DUSP29: variants seen among roughly 807,000 people sequenced by gnomAD.
The protein encoded by DUSP29 is atypical dual-specific protein phosphatase.
In DUSP29, 12 loss-of-function variants were observed where a neutral mutation model predicts 13.5. The ratio of observed to expected loss-of-function variants is 0.89; its 90% confidence interval spans 0.57 to 1.44. The LOEUF is 1.44. DUSP29 is among the 40% of genes most tolerant of loss of function. DUSP29 has a pLI of 0.00. For synonymous variants in DUSP29, 134 were observed against 128.7 expected (o/e 1.04, Z -0.28); for missense variants, 308 against 301.1 (o/e 1.02, Z -0.17).
chr10:75,068,088 T>C (rs1183105264), intron 1 of DUSP29, among the ~76,000 whole-genome samples: 11 of 152,164 alleles, frequency 7.2e-5, no homozygotes, highest in Non-Finnish European at 1.2e-4. Flanking sequence ...GCTGGGATTA[T>C]AGGCATGAGC....
At chr10:75,044,321 A>G (rs542185522) in intron 2 of DUSP29, among the ~76,000 whole-genome samples, 1 of 134,238 alleles carries the variant, frequency 7.4e-6, no homozygotes, top group East Asian at 2.3e-4. Flanking sequence ...GCTGGCCTCT[A>G]CGGTGGTCGC....
At chr10:75,070,763 G>A (rs972855535) in intron 1 of DUSP29, among the ~76,000 whole-genome samples, 2 of 152,208 alleles carry the variant, frequency 1.3e-5, no homozygotes, top group African/African-American at 4.8e-5. Context: ...CCTCCTGCGT[G>A]ACATGCAAGA....
At chr10:75,072,989 A>G (rs1206950873) in intron 1 of DUSP29, among the ~76,000 whole-genome samples, 1 of 151,348 alleles carries the variant, frequency 6.6e-6, no homozygotes, top group Non-Finnish European at 1.5e-5. Context: ...TTCATGACCC[A>G]GTCCCACCCC....
At chr10:75,049,811 A>G (rs1846789320) in intron 2 of DUSP29, among the ~76,000 whole-genome samples, 1 of 150,242 alleles carries the variant, frequency 6.7e-6, no homozygotes, top group African/African-American at 2.4e-5. Flanking sequence ...AGCTGTGGCG[A>G]TGCCTCTGGC....
At position 75,072,608 on chromosome 10, in the gene DUSP29, A is replaced by T. The variant is rs535179534; in HGVS notation, c.-35+961T>A. ...ACCAAATGATATTCTCATGATGAGA[A>T]CAAGGAGGGATCACAAGCTAAAGGT... On this transcript the variant is annotated intron_variant, in intron 1 of 3. Transcript: ENST00000338487. Among the ~76,000 whole-genome samples, 6 of 152,224 alleles carry T rather than the reference A, an allele frequency of 3.9e-5. No individual in the cohort carries two copies. The East Asian group carries it at 1.2e-3, about 29-fold the overall frequency.
intron 3 of DUSP29, among the ~76,000 whole-genome samples, chr10:75,039,638 C>T (rs143553968): frequency 1.6e-3 from 241 of 152,322 alleles, no homozygotes; most frequent in Non-Finnish European, 2.8e-3. Context: ...CCCTGCACCA[C>T]GCTCCGCCCC....
intron 3 of DUSP29, among the ~76,000 whole-genome samples, chr10:75,041,850 T>A (rs1002807168): frequency 3.9e-5 from 6 of 152,220 alleles, no homozygotes; most frequent in African/African-American, 1.4e-4. Flanking sequence ...CACCTCCTCA[T>A]AATGTTCTGT....
At chr10:75,055,619 T>A (rs1388295939) in intron 2 of DUSP29, among the ~76,000 whole-genome samples, 1 of 152,180 alleles carries the variant, frequency 6.6e-6, no homozygotes, top group Non-Finnish European at 1.5e-5. Flanking sequence ...TTTAGTGGGT[T>A]CAGGGTTTCC....
In DUSP29 at chr10:75,040,100, C is replaced by T. The variant is rs376191325; in HGVS notation, c.422-2023G>A. On this transcript the variant is annotated intron_variant, in intron 3 of 3. Transcript: ENST00000338487. ...CTGAAAGAGGAGAATCGCTTGAATC[C>T]GGGAGGTGGAGGTTGCAGTGAGTGG... is the stretch of plus-strand genomic sequence containing the variant. 3.2e-4 allele frequency among the ~76,000 whole-genome samples: 49 copies of T among 152,092 alleles called. 3 individuals carry two copies. The highest frequency in any genetic ancestry group is 1.2e-3 in the African/African-American group (48 of 41,486).
At chr10:75,062,084 T>G (rs1360544353) in intron 1 of DUSP29, among the ~76,000 whole-genome samples, 1 of 152,128 alleles carries the variant, frequency 6.6e-6, no homozygotes, top group Non-Finnish European at 1.5e-5. Flanking sequence ...AAGGAAGAAA[T>G]TATTTTAAGG....
Position 75,041,940 on chromosome 10 carries a change from T to C in DUSP29, c.421+1857A>G, listed in dbSNP as rs77644659. On this transcript the variant is annotated intron_variant, in intron 3 of 3. Transcript: ENST00000338487. ...AGTGGGGGCAGACCCTAAAATTGAG[T>C]GCCAGGAACCTACAACAAGCTTTCA... is the stretch of plus-strand genomic sequence containing the variant. Among the ~76,000 whole-genome samples, 544 of 152,312 alleles carry C rather than the reference T, an allele frequency of 3.6e-3. 5 individuals are homozygous for C. Among genetic ancestry groups the C allele is most frequent in the East Asian group, 0.024 (124 of 5,188 alleles).
chr10:75,056,142 C>T (rs1403982459), intron 2 of DUSP29, among the ~76,000 whole-genome samples: 1 of 152,126 alleles, frequency 6.6e-6, no homozygotes, highest in African/African-American at 2.4e-5. Context: ...AACTCCTGCC[C>T]TCAAGCGATC....
intron 1 of DUSP29, among the ~76,000 whole-genome samples, chr10:75,066,410 C>A (rs34734081): frequency 6.6e-6 from 1 of 151,896 alleles, no homozygotes; most frequent in Non-Finnish European, 1.5e-5. Flanking sequence ...AAGAGGCTGG[C>A]GCTGGCAGAG....
At chr10:75,041,716 C>T (rs948103976) in intron 3 of DUSP29, among the ~76,000 whole-genome samples, 3 of 152,198 alleles carry the variant, frequency 2.0e-5, no homozygotes, top group African/African-American at 4.8e-5. Flanking sequence ...GGTCGAGTCC[C>T]GGCACCCCCA....
At chr10:75,072,717 T>C (rs926372466) in intron 1 of DUSP29, among the ~76,000 whole-genome samples, 38 of 152,158 alleles carry the variant, frequency 2.5e-4, no homozygotes, top group Non-Finnish European at 4.9e-4. Flanking sequence ...GACATCCTCC[T>C]CGTGCCCTTC....
chr10:75,070,608 T>C (rs1471707897), intron 1 of DUSP29, among the ~76,000 whole-genome samples: 1 of 152,158 alleles, frequency 6.6e-6, no homozygotes, highest in African/African-American at 2.4e-5. Context: ...TTCCCAGCTG[T>C]ACTGGGAGTT....
At chr10:75,053,680 C>A (rs561396573) in intron 2 of DUSP29, among the ~76,000 whole-genome samples, 2 of 152,102 alleles carry the variant, frequency 1.3e-5, no homozygotes, top group South Asian at 4.2e-4. Flanking sequence ...GCTTCTTTAC[C>A]TGACTGACCA....
At position 75,058,167 on chromosome 10, in the gene DUSP29, G is replaced by A. The variant is rs1328210346; in HGVS notation, c.200+148C>T. On this transcript the variant is annotated intron_variant, in intron 2 of 3. Transcript: ENST00000338487. Reference sequence around the variant, plus strand: ...GCCTAAGACTTTGTTTAGGTTTTCTGTAATGTGAAGGCAAGCCCAGCCCTA... The same window carrying A: ...GCCTAAGACTTTGTTTAGGTTTTCTATAATGTGAAGGCAAGCCCAGCCCTA... The A allele has an allele frequency of 4.4e-6, 4 of 913,458 alleles. No homozygotes were observed. The African/African-American group carries it at 6.7e-5, about 15-fold the overall frequency. The allele number at this position is 913,458 out of a possible 1,614,324, so 56.6% of individuals were successfully genotyped here.
At chr10:75,051,944 AG>A (rs1337713600) in intron 2 of DUSP29, among the ~76,000 whole-genome samples, 7 of 152,248 alleles carry the variant, frequency 4.6e-5, no homozygotes, top group Admixed American at 3.9e-4. Context: ...CACAGAAATC[AG>A]GGACAAGCAC....
Sources: allele counts gnomAD v4.1 joint callset (sites outside exome capture counted in the v4.1 genomes callset), GRCh38; gene constraint gnomAD v4.1.1; transcripts MANE v1.5; gene names NCBI Gene and HGNC (gene_info 2026-07-23, HGNC 2026-07-21).